Variants in PDE4D observed in about 807,000 individuals in gnomAD.
PDE4D encodes the protein 3',5'-cyclic-AMP phosphodiesterase 4D.
In PDE4D, 24 loss-of-function variants were observed where a neutral mutation model predicts 87.4. The observed-to-expected ratio is 0.27, with a 90% confidence interval of 0.20 to 0.39. PDE4D has a LOEUF of 0.39. PDE4D is among the 10% of genes least tolerant of loss of function. The pLI is 1.00. For missense variants in PDE4D, 714 were observed against 1,041.0 expected, an observed-to-expected ratio of 0.69 and a Z score of 4.32; for synonymous variants, 384 against 383.2, an observed-to-expected ratio of 1.00 and a Z score of -0.02.
intron 1 of PDE4D, among the ~76,000 whole-genome samples, chr5:59,890,908 G>T (rs1383948647): frequency 9.9e-5 from 15 of 152,164 alleles, no homozygotes; most frequent in Admixed American, 9.8e-4. Context: ...AAAAAGTATT[G>T]TTGCTGTTCT....
chr5:59,080,451 T>A (rs1433772257), intron 5 of PDE4D, among the ~76,000 whole-genome samples: 1 of 152,196 alleles, frequency 6.6e-6, no homozygotes, highest in Non-Finnish European at 1.5e-5. Flanking sequence ...ACTTCACTCC[T>A]TTAACAGTGT....
intron 1 of PDE4D, among the ~76,000 whole-genome samples, chr5:59,350,626 C>T (rs189022626): frequency 9.2e-5 from 14 of 152,292 alleles, no homozygotes; most frequent in Non-Finnish European, 1.6e-4. Context: ...CTCTTCCAGG[C>T]ACTGGCCATA....
At chr5:59,876,452 G>A (rs1400681277) in intron 1 of PDE4D, among the ~76,000 whole-genome samples, 1 of 152,118 alleles carries the variant, frequency 6.6e-6, no homozygotes, top group Non-Finnish European at 1.5e-5. Flanking sequence ...CATACCTTAA[G>A]ATTTCCATCT....
intron 1 of PDE4D, among the ~76,000 whole-genome samples, chr5:59,440,743 T>C (rs1488960643): frequency 6.6e-6 from 1 of 152,038 alleles, no homozygotes; most frequent in African/African-American, 2.4e-5. Flanking sequence ...ACCACTGCAC[T>C]CCAGCCTGGG....
intron 5 of PDE4D, among the ~76,000 whole-genome samples, chr5:59,109,139 A>C (rs944480427): frequency 6.6e-6 from 1 of 151,972 alleles, no homozygotes; most frequent in Non-Finnish European, 1.5e-5. Flanking sequence ...TCAGTTTCAT[A>C]ATGCACATAG....
At chr5:59,350,090 A>G (rs1170913929) in intron 1 of PDE4D, among the ~76,000 whole-genome samples, 1 of 152,172 alleles carries the variant, frequency 6.6e-6, no homozygotes, top group Non-Finnish European at 1.5e-5. Context: ...CAAAAACCCT[A>G]TTGTAGCTGT....
intron 5 of PDE4D, among the ~76,000 whole-genome samples, chr5:59,108,555 C>T (rs376346419): frequency 5.9e-5 from 9 of 152,026 alleles, no homozygotes; most frequent in African/African-American, 1.2e-4. Flanking sequence ...GTGATATCTT[C>T]GGTTTTAGAG....
chr5:60,008,004 C>T (rs879311382), intron 2 of PDE4D, among the ~76,000 whole-genome samples: 11 of 151,726 alleles, frequency 7.2e-5, no homozygotes, highest in African/African-American at 2.4e-4. Context: ...AAACTCTTCT[C>T]GGTACTGATG....
chr5:60,332,040 C>T (rs1442147426), intron 1 of PDE4D, among the ~76,000 whole-genome samples: 1 of 152,124 alleles, frequency 6.6e-6, no homozygotes, highest in East Asian at 1.9e-4. Flanking sequence ...TTACCTAAAC[C>T]GTATTCACTG....
intron 1 of PDE4D, among the ~76,000 whole-genome samples, chr5:59,642,492 A>G (rs1485581438): frequency 6.6e-6 from 1 of 152,102 alleles, no homozygotes; most frequent in Non-Finnish European, 1.5e-5. Context: ...TCATGGGGGA[A>G]GTTTCCCCTA....
chr5:59,317,557 G>A (rs1360783614), intron 1 of PDE4D, among the ~76,000 whole-genome samples: 2 of 152,060 alleles, frequency 1.3e-5, no homozygotes, highest in Non-Finnish European at 2.9e-5. Flanking sequence ...CACAACCCCT[G>A]CAGGCATACA....
chr5:59,860,472 C>T lies in PDE4D; in HGVS notation c.455+32696G>A, dbSNP rs541373534. Among the ~76,000 whole-genome samples the T allele has an allele frequency of 3.3e-5, 5 of 152,224 alleles. No homozygotes were observed. In the South Asian group the frequency reaches 1.0e-3, roughly 32 times the overall value. On this transcript the variant is annotated intron_variant, in intron 1 of 14. Transcript: ENST00000340635. Reference sequence around the variant, plus strand: ...TATACAATAGGGAACTGTTATTTTACTTATTGAAGTTAATAGCTACTATTG... The same window carrying T: ...TATACAATAGGGAACTGTTATTTTATTTATTGAAGTTAATAGCTACTATTG...
chr5:60,082,275 A>C (rs1774039991), intron 2 of PDE4D, among the ~76,000 whole-genome samples: 1 of 152,182 alleles, frequency 6.6e-6, no homozygotes, highest in African/African-American at 2.4e-5. Flanking sequence ...AAGAAGAAAT[A>C]AGAAATCCTG....
chr5:59,577,315 A>T (rs1823335949), intron 1 of PDE4D, among the ~76,000 whole-genome samples: 1 of 152,124 alleles, frequency 6.6e-6, no homozygotes, highest in Non-Finnish European at 1.5e-5. Flanking sequence ...AATTAAGCAA[A>T]ATACCCAAGG....
intron 1 of PDE4D, among the ~76,000 whole-genome samples, chr5:59,702,261 C>A (rs1361571414): frequency 3.3e-5 from 5 of 152,114 alleles, no homozygotes; most frequent in Admixed American, 1.3e-4. Context: ...GCAGCTGGGA[C>A]TACAGGTGCC....
At chr5:58,980,782 G>T (rs1744933809) in intron 11 of PDE4D, among the ~76,000 whole-genome samples, 1 of 152,104 alleles carries the variant, frequency 6.6e-6, no homozygotes, top group Non-Finnish European at 1.5e-5. Context: ...GTTCTCCAGA[G>T]AAATAGAATA....
chr5:59,031,590 C>T (rs1757524912), intron 6 of PDE4D, among the ~76,000 whole-genome samples: 1 of 147,984 alleles, frequency 6.8e-6, no homozygotes, highest in Non-Finnish European at 1.5e-5. Context: ...CGCCTGTAGT[C>T]CCAGCTACTC....
At chr5:60,101,095 T>C (rs1159624894) in intron 2 of PDE4D, among the ~76,000 whole-genome samples, 1 of 152,060 alleles carries the variant, frequency 6.6e-6, no homozygotes, top group African/African-American at 2.4e-5. Context: ...GCAATATAAA[T>C]TGATATGGTT....
At chr5:59,565,370 T>C (rs866082994) in intron 1 of PDE4D, among the ~76,000 whole-genome samples, 6 of 152,068 alleles carry the variant, frequency 3.9e-5, no homozygotes, top group African/African-American at 1.2e-4. Context: ...AAATAAAAAA[T>C]GAGCCAGGCA....
Sources: gnomAD v4.1 joint callset for allele counts (sites outside exome capture counted in the v4.1 genomes callset) on GRCh38, gnomAD v4.1.1 for gene constraint, MANE v1.5 for transcripts, NCBI Gene and HGNC (gene_info 2026-07-23, HGNC 2026-07-21) for gene names.